Variants in GPC5 observed in about 807,000 individuals in gnomAD.
GPC5 encodes glypican 5, also known as glypican-5.
In GPC5, 47 loss-of-function variants were observed where a neutral mutation model predicts 53.9. That is an observed-to-expected ratio of 0.87 (90% CI 0.69 to 1.11). The LOEUF (loss-of-function observed/expected upper bound fraction) is 1.11, where lower values mean the gene tolerates loss of function less well. Among genes scored for constraint, GPC5 ranks in the 50% most tolerant of loss-of-function variants. The probability of loss-of-function intolerance (pLI) is 0.00; values close to 1 mark genes in which losing one functional copy is unlikely to be tolerated. For synonymous variants in GPC5, 286 were observed against 263.3 expected (o/e 1.09, Z -0.84); for missense variants, 748 against 713.1 (o/e 1.05, Z -0.56).
At chr13:92,757,876 T>C (rs1874964565) in intron 7 of GPC5, among the ~76,000 whole-genome samples, 1 of 151,300 alleles carries the variant, frequency 6.6e-6, no homozygotes, top group South Asian at 2.1e-4. Context: ...ACTTTTACAC[T>C]GTTGGTGGGA....
intron 4 of GPC5, among the ~76,000 whole-genome samples, chr13:91,731,565 T>A (rs2036698486): frequency 6.6e-6 from 1 of 152,088 alleles, no homozygotes; most frequent in Non-Finnish European, 1.5e-5. Context: ...GTGCAGAAGG[T>A]GTAGGTTTGT....
intron 7 of GPC5, among the ~76,000 whole-genome samples, chr13:92,337,371 A>G (rs2043332248): frequency 1.3e-5 from 2 of 152,152 alleles, no homozygotes; most frequent in Admixed American, 6.5e-5. Context: ...AGTTCTTCAC[A>G]ACTGGATCGA....
intron 6 of GPC5, among the ~76,000 whole-genome samples, chr13:92,130,228 A>C (rs974995118): frequency 2.6e-5 from 4 of 152,050 alleles, no homozygotes; most frequent in African/African-American, 9.7e-5. Flanking sequence ...TTGTTGAGAG[A>C]ATGTTTGCCT....
chr13:91,949,790 G>A (rs1164626939), intron 6 of GPC5, among the ~76,000 whole-genome samples: 1 of 149,984 alleles, frequency 6.7e-6, no homozygotes, highest in East Asian at 2.0e-4. Flanking sequence ...TACCTGCATT[G>A]TAAGCATTAT....
At chr13:91,753,812 T>G (rs1395184111) in intron 4 of GPC5, among the ~76,000 whole-genome samples, 1 of 152,178 alleles carries the variant, frequency 6.6e-6, no homozygotes, top group Non-Finnish European at 1.5e-5. Context: ...CATGGAACAC[T>G]GAAATACTGC....
intron 5 of GPC5, among the ~76,000 whole-genome samples, chr13:91,856,790 T>A (rs2038972152): frequency 6.6e-6 from 1 of 151,386 alleles, no homozygotes; most frequent in African/African-American, 2.4e-5. Context: ...TTTAAAGAAA[T>A]CCTGTTACTA....
At chr13:92,157,242 G>A (rs1368746068) in intron 7 of GPC5, among the ~76,000 whole-genome samples, 1 of 152,124 alleles carries the variant, frequency 6.6e-6, no homozygotes, top group Admixed American at 6.6e-5. Flanking sequence ...GAATGAAATA[G>A]GCAAGGAAGA....
At chr13:92,360,430 T>C (rs1172797271) in intron 7 of GPC5, among the ~76,000 whole-genome samples, 1 of 151,672 alleles carries the variant, frequency 6.6e-6, no homozygotes, top group Non-Finnish European at 1.5e-5. Flanking sequence ...TTCAACATCA[T>C]TTCATGTAGC....
At position 91,956,418 on chromosome 13, in the gene GPC5, C is replaced by T. The variant is rs1457205925; in HGVS notation, c.1401+48361C>T. On this transcript the variant is annotated intron_variant, in intron 6 of 7. Coordinates refer to ENST00000377067, the MANE Select transcript of GPC5 (RefSeq NM_004466.6). Reference sequence around the variant, plus strand: ...GAGGCACAGGGTTTTCCTGCCACTGCTGCTGCCATTGCTAATGCCATGTCA... The same window carrying T: ...GAGGCACAGGGTTTTCCTGCCACTGTTGCTGCCATTGCTAATGCCATGTCA... 2.6e-5 allele frequency among the ~76,000 whole-genome samples: 4 copies of T among 152,170 alleles called. No homozygotes were observed. In the East Asian group the frequency reaches 7.7e-4, roughly 29 times the overall value.
At chr13:92,113,349 C>A (rs1038913828) in intron 6 of GPC5, among the ~76,000 whole-genome samples, 3 of 152,112 alleles carry the variant, frequency 2.0e-5, no homozygotes, top group African/African-American at 7.2e-5. Flanking sequence ...TAAGTGTCTA[C>A]ATATATTCTG....
intron 7 of GPC5, among the ~76,000 whole-genome samples, chr13:92,389,564 C>A (rs1169518143): frequency 6.6e-6 from 1 of 152,086 alleles, no homozygotes; most frequent in Non-Finnish European, 1.5e-5. Context: ...TACCAGTAGT[C>A]CTAGCTCACA....
intron 7 of GPC5, among the ~76,000 whole-genome samples, chr13:92,466,748 T>G (rs1445443507): frequency 6.6e-6 from 1 of 152,060 alleles, no homozygotes; most frequent in Non-Finnish European, 1.5e-5. Flanking sequence ...TAAGCAGTTG[T>G]TGGTGGTAGG....
At chr13:91,569,016 G>A (rs1428801070) in intron 2 of GPC5, among the ~76,000 whole-genome samples, 1 of 152,094 alleles carries the variant, frequency 6.6e-6, no homozygotes, top group Non-Finnish European at 1.5e-5. Context: ...CTCTCAAAGT[G>A]TCGGGATCAG....
Position 91,811,326 on chromosome 13 carries a change from AGT to A in GPC5, c.1280+54909_1280+54910del, listed in dbSNP as rs1007946942. On this transcript the variant is annotated intron_variant, in intron 5 of 7. Transcript: ENST00000377067. ...AGTTTTCTAACAGGGAAGACAGATA[AGT>A]GTTACTTATCTGTAAGGTGTTTCTC... Among the ~76,000 whole-genome samples, 26 of 152,232 alleles carry A rather than the reference AGT, an allele frequency of 1.7e-4. No homozygotes were observed. The East Asian group carries it at 2.3e-3, about 14-fold the overall frequency.
chr13:91,548,245 A>G (rs929159480), intron 2 of GPC5, among the ~76,000 whole-genome samples: 1 of 152,190 alleles, frequency 6.6e-6, no homozygotes. Context: ...AACACCTGGA[A>G]CTAATAATCA....
At chr13:92,142,499 G>C (rs181033196) in intron 6 of GPC5, among the ~76,000 whole-genome samples, 1 of 151,946 alleles carries the variant, frequency 6.6e-6, no homozygotes. Context: ...CTGAAGTGAT[G>C]GAGGAAAAAA....
chr13:91,694,160 T>C (rs910651542), intron 3 of GPC5, among the ~76,000 whole-genome samples: 13 of 152,314 alleles, frequency 8.5e-5, no homozygotes, highest in Admixed American at 3.3e-4. Context: ...ATTAGCTAAA[T>C]GAAATTAGGT....
At chr13:92,384,343 A>G (rs529354089) in intron 7 of GPC5, among the ~76,000 whole-genome samples, 1 of 152,260 alleles carries the variant, frequency 6.6e-6, no homozygotes, top group South Asian at 2.1e-4. Context: ...ATGAGATATC[A>G]CAAGCACAGA....
At chr13:92,462,776 G>A (rs1259297823) in intron 7 of GPC5, among the ~76,000 whole-genome samples, 1 of 150,960 alleles carries the variant, frequency 6.6e-6, no homozygotes, top group Non-Finnish European at 1.5e-5. Context: ...GAGTGCAGTG[G>A]CATGATCTCG....
Sources: allele counts gnomAD v4.1 joint callset (sites outside exome capture counted in the v4.1 genomes callset), GRCh38; gene constraint gnomAD v4.1.1; transcripts MANE v1.5; gene names NCBI Gene and HGNC (gene_info 2026-07-23, HGNC 2026-07-21).